SLCO1B1: variants seen among roughly 807,000 people sequenced by gnomAD.
SLCO1B1 encodes the protein OATP-2.
A neutral mutation model predicts 70.1 loss-of-function variants in SLCO1B1; 81 were observed. The ratio of observed to expected loss-of-function variants is 1.16; its 90% CI spans 0.97 to 1.39. The LOEUF (loss-of-function observed/expected upper bound fraction) is 1.39, where lower values mean the gene tolerates loss of function less well. Ranked by LOEUF, SLCO1B1 falls within the 40% of genes most tolerant of loss-of-function variation. The pLI is 0.00. For missense variants in SLCO1B1, 895 were observed against 799.6 expected (o/e 1.12, Z -1.44); for synonymous variants, 283 against 271.5 (o/e 1.04, Z -0.42).
At chr12:21,198,477 A>ATTT (rs1192410219) in intron 8 of SLCO1B1, among the ~76,000 whole-genome samples, 1 of 152,110 alleles carries the variant, frequency 6.6e-6, no homozygotes, top group African/African-American at 2.4e-5. Context: ...CTAAACCTAT[A>ATTT]AGGAGCGGGG....
chr12:21,153,925 G>A (rs1940506272), intron 2 of SLCO1B1, among the ~76,000 whole-genome samples: 1 of 151,896 alleles, frequency 6.6e-6, no homozygotes, highest in Non-Finnish European at 1.5e-5. Flanking sequence ...ATTTCTTCGT[G>A]ATTTAGGAAT....
At chr12:21,163,800 G>A (rs1940652370) in intron 2 of SLCO1B1, among the ~76,000 whole-genome samples, 1 of 152,070 alleles carries the variant, frequency 6.6e-6, no homozygotes, top group African/African-American at 2.4e-5. Flanking sequence ...CCATCACATT[G>A]GGTTAGGATT....
chr12:21,145,367 A>G (rs1940366460), intron 2 of SLCO1B1, among the ~76,000 whole-genome samples: 2 of 151,686 alleles, frequency 1.3e-5, no homozygotes, highest in Non-Finnish European at 2.9e-5. Context: ...GTGCAGTGGC[A>G]TAATCTTGGC....
intron 3 of SLCO1B1, among the ~76,000 whole-genome samples, chr12:21,173,605 G>A (rs980852854): frequency 1.4e-5 from 2 of 145,826 alleles, no homozygotes; most frequent in Admixed American, 1.4e-4. Flanking sequence ...TACCCGTAAA[G>A]GTACTAAATT....
At chr12:21,222,187 A>C in intron 12 of SLCO1B1, 113 bp from the exon 13 acceptor site, 2 of 376,298 alleles carry the variant, frequency 5.3e-6, no homozygotes, top group Admixed American at 3.6e-5. Context: ...GGGGCCATTC[A>C]ACTGTGAGCT....
chr12:21,148,849 C>A (rs1940426831), intron 2 of SLCO1B1, among the ~76,000 whole-genome samples: 1 of 152,100 alleles, frequency 6.6e-6, no homozygotes, highest in Non-Finnish European at 1.5e-5. Flanking sequence ...TTCTTCCTAT[C>A]CATGAGCATA....
chr12:21,172,527 GGTTTTTAAGATACAAATAAT>G (rs1940768152), intron 2 of SLCO1B1, 103 bp from the exon 3 acceptor site: 5 of 1,117,218 alleles, frequency 4.5e-6, no homozygotes, highest in Non-Finnish European at 6.7e-6. Context: ...AACTAAGTAT[GGTTTTTAAGATACAAATAAT>G]GTTTTTAAGT....
rs539599604 is a variant in SLCO1B1, at chr12:21,214,936, C to T, written c.1498-2183C>T. On this transcript the variant is annotated intron_variant, in intron 11 of 14. Transcript: ENST00000256958. ...CCTGCTTCGGCTCACGCACGGTGCG[C>T]GCACCCACTGACCTGCGCCCACTGT... 4.6e-5 allele frequency among the ~76,000 whole-genome samples: 7 copies of T among 151,724 alleles called. No homozygotes were observed. In the South Asian group the frequency reaches 6.3e-4, roughly 14 times the overall value.
Position 21,176,889 on chromosome 12 carries a change from T to A in SLCO1B1, c.473T>A (p.Val158Glu), listed in dbSNP as rs1239479300. 6.5e-7 allele frequency: 1 copy of A among 1,548,326 alleles called. No individual in the cohort carries two copies. The highest frequency in any genetic ancestry group is 2.2e-5 in the East Asian group (1 of 44,546). ...LSLNRASPEI[V>E]GKGCLKESGS... ...CTCAATAGAGCATCACCTGAGATAG[T>A]GGGAAAAGGTAAGAATTAATATTGA... The change falls in exon 5 of 15, where the codon GTG (valine) becomes GAG (glutamate). Residue 158 changes from valine to glutamate, a missense_variant. Transcript: ENST00000256958.
At chr12:21,214,541 T>C (rs76039622) in intron 11 of SLCO1B1, among the ~76,000 whole-genome samples, 1 of 150,710 alleles carries the variant, frequency 6.6e-6, no homozygotes, top group Non-Finnish European at 1.5e-5. Flanking sequence ...CCCCCAGAGG[T>C]GGAGCCTACA....
chr12:21,239,008 T>A lies in SLCO1B1; in HGVS notation c.1895T>A (p.Leu632Ter). 1 of 1,582,880 alleles carries A rather than the reference T, an allele frequency of 6.3e-7. No homozygotes were observed. Among genetic ancestry groups the A allele is most frequent in the Non-Finnish European group, 8.7e-7 (1 of 1,154,346 alleles). Residue 632 changes from leucine (L) to a stop codon, truncating the protein, a stop_gained, in exon 15 of 15, where the codon TTA (leucine) becomes TAA (stop). Transcript: ENST00000256958. LOFTEE classifies it low-confidence loss of function (END_TRUNC). ...SRVYLGLSSMLRVSSLVLYII... is the reference protein window; with the variant it reads ...SRVYLGLSSM ...GTCTACTTGGGCTTGTCTTCAATGT[T>A]AAGAGTCTCATCACTTGTTTTATAT...
chr12:21,226,456 T>A (rs1185002063), intron 14 of SLCO1B1, among the ~76,000 whole-genome samples: 1 of 151,862 alleles, frequency 6.6e-6, no homozygotes, highest in African/African-American at 2.4e-5. Context: ...TTAAAGAAGC[T>A]TCTGACTGTA....
chr12:21,148,847 A>G (rs1178364236), intron 2 of SLCO1B1, among the ~76,000 whole-genome samples: 1 of 152,036 alleles, frequency 6.6e-6, no homozygotes, highest in Non-Finnish European at 1.5e-5. Context: ...GATTCTTCCT[A>G]TCCATGAGCA....
intron 7 of SLCO1B1, among the ~76,000 whole-genome samples, chr12:21,196,439 C>G (rs1941092711): frequency 1.3e-5 from 2 of 152,108 alleles, no homozygotes. Flanking sequence ...CATATTTTCA[C>G]TGTATTTTCT....
intron 2 of SLCO1B1, among the ~76,000 whole-genome samples, chr12:21,172,250 G>A (rs988747925): frequency 6.6e-6 from 1 of 152,068 alleles, no homozygotes; most frequent in Non-Finnish European, 1.5e-5. Flanking sequence ...TGGCTTCCTG[G>A]AAATGCTGCC....
intron 7 of SLCO1B1, among the ~76,000 whole-genome samples, chr12:21,179,249 AT>A (rs766095488): frequency 6.6e-6 from 1 of 152,184 alleles, no homozygotes; most frequent in African/African-American, 2.4e-5. Context: ...AAACAAATTT[AT>A]TTTCATGAGC....
At chr12:21,140,159 A>G (rs575741618) in intron 1 of SLCO1B1, among the ~76,000 whole-genome samples, 1 of 152,254 alleles carries the variant, frequency 6.6e-6, no homozygotes, top group African/African-American at 2.4e-5. Flanking sequence ...CAATGGTTCA[A>G]TATTTGCTAA....
chr12:21,149,227 C>A (rs190152027), intron 2 of SLCO1B1, among the ~76,000 whole-genome samples: 148 of 152,190 alleles, frequency 9.7e-4, no homozygotes, highest in African/African-American at 3.3e-3. Context: ...ATTTCTCTTG[C>A]CTGATTGCCC....
At position 21,141,605 on chromosome 12, in the gene SLCO1B1, G is replaced by T. The variant is rs1940309529; in HGVS notation, c.31G>T (p.Ala11Ser). ...CCAAAATCAACATTTGAATAAAACA[G>T]CAGAGGCACAACCTTCAGAGAATAA... MDQNQHLNKTAEAQPSENKKT... is the reference protein window; with the variant it reads MDQNQHLNKTSEAQPSENKKT... The change falls in exon 2 of 15, where the codon GCA becomes TCA. Residue 11 changes from alanine (A) to serine (S), a missense_variant. By Grantham distance (99) the Ala-to-Ser change is moderately conservative. Coordinates refer to ENST00000256958, the MANE Select transcript of SLCO1B1 (RefSeq NM_006446.5). 1 of 1,608,828 alleles carries T rather than the reference G, an allele frequency of 6.2e-7. No homozygotes were observed. The highest frequency in any genetic ancestry group is 1.3e-5 in the African/African-American group (1 of 74,880).
Sources: allele counts gnomAD v4.1 joint callset (sites outside exome capture counted in the v4.1 genomes callset), GRCh38; gene constraint gnomAD v4.1.1; transcripts MANE v1.5; gene names NCBI Gene and HGNC (gene_info 2026-07-23, HGNC 2026-07-21).